The following EPB41L3 variants were observed in gnomAD, a reference collection of about 807,000 sequenced individuals.
EPB41L3 encodes band 4.1-like protein 3.
Under a neutral mutation model 127.1 loss-of-function variants are expected in EPB41L3, and 57 were observed. The ratio of observed to expected loss-of-function variants is 0.45; its 90% CI spans 0.36 to 0.56. The LOEUF is 0.56. Ranked by LOEUF, EPB41L3 falls within the 20% of genes least tolerant of loss-of-function variation. EPB41L3 has a pLI of 0.00. For synonymous variants in EPB41L3, 572 were observed against 549.5 expected, an observed-to-expected ratio of 1.04 and a Z score of -0.57; for missense variants, 1,273 against 1,372.2, an observed-to-expected ratio of 0.93 and a Z score of 1.14.
At chr18:5,530,684 T>TC (rs1464036801) in intron 1 of EPB41L3, among the ~76,000 whole-genome samples, 6 of 152,056 alleles carry the variant, frequency 3.9e-5, no homozygotes, top group Non-Finnish European at 7.4e-5. Flanking sequence ...TATCCAGCTC[T>TC]CCCCCTTCTC....
At chr18:5,533,174 A>G (rs1369209477) in intron 1 of EPB41L3, among the ~76,000 whole-genome samples, 2 of 152,208 alleles carry the variant, frequency 1.3e-5, no homozygotes, top group African/African-American at 4.8e-5. Context: ...ACGTCTGAAA[A>G]TGGTTACACA....
chr18:5,545,914 TGTG>T (rs2149109247), upstream of EPB41L3, among the ~76,000 whole-genome samples: 1 of 134,778 alleles, frequency 7.4e-6, no homozygotes, highest in African/African-American at 2.9e-5. Flanking sequence ...TGTGTGTGTG[TGTG>T]TAGCACATAA....
Position 5,397,165 on chromosome 18 carries a change from C to T in EPB41L3, c.2734G>A (p.Ala912Thr). 6.2e-7 allele frequency: 1 copy of T among 1,614,230 alleles called. No homozygotes were observed. The highest frequency in any genetic ancestry group is 2.2e-5 in the East Asian group (1 of 44,882). ...KEEGGEEVAK[A>T]VLEQEETAAA... ...GCTGTCTCTTCCTGTTCCAGGACAG[C>T]TTTAGCGACCTCCTCCCCTCCTTCC... The change falls in exon 18 of 23, where the codon GCT (alanine) becomes ACT (threonine). Residue 912 changes from alanine to threonine, a missense_variant. Ala to Thr is a moderately conservative substitution (Grantham distance 58). Transcript: ENST00000341928. This position sits in a 1 kb window ranked among gnomAD's most constrained non-coding sequence, Gnocchi z 4.1.
Position 5,577,621 on chromosome 18 carries a change from TCCCAGTGTAG to T in EPB41L3, c.-306+34709_-306+34718del, listed in dbSNP as rs917577722. ...TTCTTCTTCTAATATTTCCCCTGGT[TCCCAGTGTAG>T]CTTCTCCGCATGACTGTGCAGCATT... is the stretch of plus-strand genomic sequence containing the variant. On this transcript the variant is annotated intron_variant, in intron 3 of 21. Coordinates refer to the EPB41L3 transcript ENST00000545076. The T allele has an allele frequency of 2.5e-4, 57 of 227,934 alleles. No individual in the cohort carries two copies. In the Admixed American group the frequency reaches 3.3e-3, roughly 13 times the overall value. 14.1% of individuals were successfully genotyped at this position (227,934 alleles called of 1,614,324 possible).
intron 3 of EPB41L3, among the ~76,000 whole-genome samples, chr18:5,552,963 A>G (rs1000847488): frequency 2.6e-5 from 4 of 152,216 alleles, no homozygotes; most frequent in African/African-American, 4.8e-5. Flanking sequence ...GAAATTGCCA[A>G]TATTCAACAG....
intron 1 of EPB41L3, among the ~76,000 whole-genome samples, chr18:5,522,709 A>G (rs888139950): frequency 3.3e-5 from 5 of 152,204 alleles, no homozygotes; most frequent in African/African-American, 1.2e-4. Flanking sequence ...AAAAAAATGA[A>G]TAACTGAAGT....
intron 11 of EPB41L3, chr18:5,420,318 C>T (rs2077317342): frequency 5.2e-6 from 1 of 193,908 alleles, no homozygotes; most frequent in Non-Finnish European, 1.1e-5. Flanking sequence ...TTGCAGTACA[C>T]AATTGCTCTA....
At chr18:5,556,283 C>CGAAA (rs2094034642) in intron 3 of EPB41L3, among the ~76,000 whole-genome samples, 1 of 152,226 alleles carries the variant, frequency 6.6e-6, no homozygotes, top group Non-Finnish European at 1.5e-5. Context: ...CAAGGCTTTT[C>CGAAA]AGATCTTGGA....
At chr18:5,396,555 G>A (rs1367317112) in intron 18 of EPB41L3, among the ~76,000 whole-genome samples, 1 of 151,826 alleles carries the variant, frequency 6.6e-6, no homozygotes, top group Non-Finnish European at 1.5e-5. Context: ...ACATTTTGAA[G>A]GCAATAAAAA....
chr18:5,467,569 A>T (rs1211860179), intron 3 of EPB41L3: 1 of 152,230 alleles, frequency 6.6e-6, no homozygotes, highest in African/African-American at 2.4e-5. Context: ...AGAAAATAGG[A>T]GAAAGTGAAT....
intron 1 of EPB41L3, among the ~76,000 whole-genome samples, chr18:5,500,190 C>T (rs1339602489): frequency 6.6e-6 from 1 of 152,138 alleles, no homozygotes; most frequent in Non-Finnish European, 1.5e-5. Flanking sequence ...TCCAAGCATT[C>T]CTTTGCTAAA....
chr18:5,613,670 T>C (rs957938637), intron 2 of EPB41L3, among the ~76,000 whole-genome samples: 2 of 152,118 alleles, frequency 1.3e-5, no homozygotes, highest in African/African-American at 4.8e-5. Flanking sequence ...AAGCTTAGAG[T>C]AGAAATTTCT....
intron 3 of EPB41L3, among the ~76,000 whole-genome samples, chr18:5,576,776 CTG>C (rs2149271661): frequency 6.6e-6 from 1 of 152,276 alleles, no homozygotes; most frequent in South Asian, 2.1e-4. Context: ...ACAAAATAAA[CTG>C]AAATTATATT....
intron 9 of EPB41L3, among the ~76,000 whole-genome samples, chr18:5,425,237 G>C (rs1217844322): frequency 6.6e-6 from 1 of 152,204 alleles, no homozygotes; most frequent in Non-Finnish European, 1.5e-5. Context: ...TGCATGGCAT[G>C]TGAGATACAA....
intron 16 of EPB41L3, among the ~76,000 whole-genome samples, chr18:5,406,096 C>CA (rs1215641416): frequency 6.6e-6 from 1 of 151,682 alleles, no homozygotes; most frequent in Non-Finnish European, 1.5e-5. Flanking sequence ...ATTAAAAATA[C>CA]AAAAATTAGC....
At chr18:5,440,660 A>T (rs938133187) in intron 5 of EPB41L3, among the ~76,000 whole-genome samples, 1 of 152,244 alleles carries the variant, frequency 6.6e-6, no homozygotes, top group African/African-American at 2.4e-5. Flanking sequence ...ATTCTTATGA[A>T]AAATTTCTAA....
intron 3 of EPB41L3, among the ~76,000 whole-genome samples, chr18:5,465,383 T>C (rs1026474728): frequency 1.2e-4 from 18 of 152,242 alleles, no homozygotes; most frequent in Admixed American, 7.9e-4. Context: ...CACATTTACA[T>C]AGACATTTAC....
chr18:5,407,326 A>T (rs2075566264), intron 15 of EPB41L3: 1 of 392,128 alleles, frequency 2.6e-6, no homozygotes, highest in African/African-American at 2.0e-5. Context: ...AGTCATCCCC[A>T]CTTATTAATG....
At position 5,445,123 on chromosome 18, in the gene EPB41L3, T is replaced by A. The variant is rs1462548867; in HGVS notation, c.486+17A>T. Reference sequence around the variant, plus strand: ...CAGTTCAAGCCATCTTATTTTGCATTGCTTTTGATCACTCACCTTCTGGTT... The same window carrying A: ...CAGTTCAAGCCATCTTATTTTGCATAGCTTTTGATCACTCACCTTCTGGTT... On this transcript the variant is annotated intron_variant, in intron 4 of 22. Coordinates refer to ENST00000341928, the MANE Select transcript of EPB41L3 (RefSeq NM_012307.5). 1 of 1,603,136 alleles carries A rather than the reference T, an allele frequency of 6.2e-7. No homozygotes were observed. The highest frequency in any genetic ancestry group is 2.2e-5 in the East Asian group (1 of 44,828).
Sources: gnomAD v4.1 joint callset for allele counts (sites outside exome capture counted in the v4.1 genomes callset) on GRCh38, gnomAD v4.1.1 for gene constraint, Gnocchi (gnomAD v3.1) non-coding constraint, MANE v1.5 for transcripts, NCBI Gene and HGNC (gene_info 2026-07-23, HGNC 2026-07-21) for gene names.